The following ABLIM2 variants were observed in gnomAD, a reference collection of about 807,000 sequenced individuals.
ABLIM2 encodes the protein actin-binding LIM protein 2.
Under a neutral mutation model 97.7 loss-of-function variants are expected in ABLIM2, and 53 were observed. The observed-to-expected ratio is 0.54, with a 90% CI of 0.44 to 0.68. The LOEUF (loss-of-function observed/expected upper bound fraction) is 0.68. Ranked by LOEUF, ABLIM2 falls within the 30% of genes least tolerant of loss-of-function variation. ABLIM2 has a pLI of 0.00. For synonymous variants in ABLIM2, 361 were observed against 345.8 expected (o/e 1.04, Z -0.49); for missense variants, 835 against 867.2 (o/e 0.96, Z 0.47).
At position 8,032,554 on chromosome 4, in the gene ABLIM2, G is replaced by A; in HGVS notation, c.1048-2778C>T. Reference sequence around the variant, plus strand: ...GGCCCCATGGTGAAGAGCCACCGAGGAGGCCCTTCCCGGGAGTGCGGCTGG... The same window carrying A: ...GGCCCCATGGTGAAGAGCCACCGAGAAGGCCCTTCCCGGGAGTGCGGCTGG... On this transcript the variant is annotated intron_variant, in intron 10 of 20. Coordinates refer to ENST00000447017, the MANE Select transcript of ABLIM2 (RefSeq NM_001130083.2). The surrounding 1 kb of genome is among the most constrained non-coding windows in gnomAD (Gnocchi z 4.3). 1.3e-6 allele frequency: 2 copies of A among 1,534,746 alleles called. No individual in the cohort carries two copies. The highest frequency in any genetic ancestry group is 9.0e-7 in the Non-Finnish European group (1 of 1,114,978).
In ABLIM2 at chr4:8,124,154, T is replaced by C. The variant is rs113721030; in HGVS notation, c.11-17517A>G. 6.6e-6 allele frequency among the ~76,000 whole-genome samples: 1 copy of C among 152,184 alleles called. No individual in the cohort carries two copies. Among genetic ancestry groups the C allele is most frequent in the Non-Finnish European group, 1.5e-5 (1 of 68,032 alleles). On this transcript the variant is annotated intron_variant, in intron 1 of 20. Transcript: ENST00000447017. The surrounding 1 kb of genome is among the most constrained non-coding windows in gnomAD (Gnocchi z 6.1). ...CTAGAATAATTCATCTATCTTCTCA[T>C]AAGGCAGCACCTCGATGTGCTTTCA...
At chr4:8,030,931 C>T (rs562800181) in intron 10 of ABLIM2, among the ~76,000 whole-genome samples, 9 of 152,334 alleles carry the variant, frequency 5.9e-5, no homozygotes, top group South Asian at 4.1e-4. Flanking sequence ...AGAACAGCAC[C>T]ACCAAGGCCC....
At chr4:8,091,643 T>A (rs575179785) in intron 3 of ABLIM2, among the ~76,000 whole-genome samples, 1 of 54,142 alleles carries the variant, frequency 1.8e-5, no homozygotes, top group South Asian at 4.9e-4. Context: ...ATATATAATT[T>A]TATATATTAT....
At chr4:8,126,478 C>T (rs2152916881) in intron 1 of ABLIM2, among the ~76,000 whole-genome samples, 1 of 149,562 alleles carries the variant, frequency 6.7e-6, no homozygotes, top group South Asian at 2.2e-4. Flanking sequence ...CCCTTTTCTC[C>T]TCTCTCCCTA....
intron 12 of ABLIM2, among the ~76,000 whole-genome samples, chr4:8,026,926 CTGCAGTGGCCTTTTACCTGAGTGT>C (rs1451552882): frequency 6.7e-6 from 1 of 149,400 alleles, no homozygotes; most frequent in African/African-American, 2.5e-5. Flanking sequence ...GTGTGTGTGT[CTGCAGTGGCCTTTTACCTGAGTGT>C]GTGTGTCTGC....
chr4:8,071,845 G>C lies in ABLIM2; in HGVS notation c.675+5783C>G. On this transcript the variant is annotated intron_variant, in intron 6 of 20. Transcript: ENST00000447017. The surrounding 1 kb of genome is among the most constrained non-coding windows in gnomAD (Gnocchi z 6.2). ...CGTGCTCCCTGGAACGTGTGCCTGC[G>C]AGGGTGGACACCCTCACCTTCAGCC... 2 of 985,410 alleles carry C rather than the reference G, an allele frequency of 2.0e-6. No individual in the cohort carries two copies. The highest frequency in any genetic ancestry group is 2.4e-6 in the Non-Finnish European group (2 of 829,962). 61.0% of individuals were successfully genotyped at this position (985,410 alleles called of 1,614,324 possible). A position where few individuals can be genotyped will look rare whatever the true frequency, so the allele number is the denominator to read the frequency against.
intron 1 of ABLIM2, among the ~76,000 whole-genome samples, chr4:8,119,569 G>T (rs1273623609): frequency 6.6e-6 from 1 of 151,988 alleles, no homozygotes; most frequent in Non-Finnish European, 1.5e-5. Context: ...CTCATGATCC[G>T]CCCACCTGGG....
At chr4:8,052,809 A>G (rs1796879916) in intron 8 of ABLIM2, among the ~76,000 whole-genome samples, 1 of 152,276 alleles carries the variant, frequency 6.6e-6, no homozygotes, top group Non-Finnish European at 1.5e-5. Flanking sequence ...CTGCAGGCAC[A>G]GCTGCTCAAA....
chr4:8,099,753 G>T (rs1327475438), intron 2 of ABLIM2, among the ~76,000 whole-genome samples: 2 of 152,162 alleles, frequency 1.3e-5, no homozygotes, highest in Admixed American at 6.5e-5. Flanking sequence ...GCTGAGGCAG[G>T]AGGATGGCAT....
intron 9 of ABLIM2, among the ~76,000 whole-genome samples, chr4:8,037,293 T>C (rs571105400): frequency 5.3e-5 from 8 of 151,060 alleles, no homozygotes; most frequent in African/African-American, 1.7e-4. Flanking sequence ...TACGCACACA[T>C]GCACACACAC....
At chr4:8,012,259 A>C (rs60261683) in intron 14 of ABLIM2, among the ~76,000 whole-genome samples, 1 of 151,192 alleles carries the variant, frequency 6.6e-6, no homozygotes, top group Non-Finnish European at 1.5e-5. Flanking sequence ...CCATCCACTG[A>C]TCCATCCACC....
chr4:8,077,528 C>A lies in ABLIM2; in HGVS notation c.675+100G>T, dbSNP rs1366865650. 4.3e-6 allele frequency: 5 copies of A among 1,176,424 alleles called. No individual in the cohort carries two copies. In the African/African-American group the frequency reaches 7.6e-5, roughly 18 times the overall value. 72.9% of individuals were successfully genotyped at this position (1,176,424 alleles called of 1,614,324 possible). A position where few individuals can be genotyped will look rare whatever the true frequency, so the allele number is the denominator to read the frequency against. On this transcript the variant is annotated intron_variant, in intron 6 of 20. Coordinates refer to ENST00000447017, the MANE Select transcript of ABLIM2 (RefSeq NM_001130083.2). The stretch of plus-strand genomic sequence containing the variant: ...ATAGGGAGGTGAAGCTGCAGCCAGA[C>A]AGATTCTTGCACAAACACACACAAA...
At chr4:8,153,496 T>C (rs1237324796) in intron 1 of ABLIM2, among the ~76,000 whole-genome samples, 1 of 152,194 alleles carries the variant, frequency 6.6e-6, no homozygotes, top group African/African-American at 2.4e-5. Context: ...CCTCTCCAGA[T>C]ACAATCTCAG....
At chr4:8,086,178 G>A (rs962208547) in intron 4 of ABLIM2, among the ~76,000 whole-genome samples, 2 of 151,962 alleles carry the variant, frequency 1.3e-5, no homozygotes, top group East Asian at 1.9e-4. Context: ...AGTTATCTAG[G>A]GGTCCGGGGA....
At chr4:7,994,584 C>CGCAACA (rs1283882613) in intron 16 of ABLIM2, among the ~76,000 whole-genome samples, 1 of 73,132 alleles carries the variant, frequency 1.4e-5, no homozygotes, top group African/African-American at 3.9e-5. Context: ...TTTATAGCAG[C>CGCAACA]ATGATTTATA....
At chr4:7,968,001 G>A (rs188930558) in intron 20 of ABLIM2, among the ~76,000 whole-genome samples, 15 of 152,350 alleles carry the variant, frequency 9.8e-5, no homozygotes, top group Admixed American at 2.6e-4. Flanking sequence ...TCTCCTGCCT[G>A]TCTTCCTCAG....
At chr4:8,101,103 G>A (rs1834349195) in intron 2 of ABLIM2, among the ~76,000 whole-genome samples, 1 of 152,236 alleles carries the variant, frequency 6.6e-6, no homozygotes, top group Admixed American at 6.5e-5. Context: ...ATATTGGTGA[G>A]TGGAAGACGG....
At chr4:8,152,153 C>T (rs1043608038) in intron 1 of ABLIM2, among the ~76,000 whole-genome samples, 2 of 152,174 alleles carry the variant, frequency 1.3e-5, no homozygotes, top group Non-Finnish European at 2.9e-5. Context: ...ACGGGCCAGG[C>T]TTTATCCACA....
Position 7,996,580 on chromosome 4 carries a change from C to A in ABLIM2, c.1619-3653G>T, listed in dbSNP as rs928047524. ...ATGGTGCTAGAAATTCTGCTTCAAC[C>A]ATCCAATGTGATATAAGAATATGAT... On this transcript the variant is annotated intron_variant, in intron 16 of 20. Transcript: ENST00000447017. This position sits in a 1 kb window ranked among gnomAD's most constrained non-coding sequence, Gnocchi z 4.5. Among the ~76,000 whole-genome samples the A allele has an allele frequency of 3.9e-5, 6 of 152,220 alleles. No homozygotes were observed. Among genetic ancestry groups the A allele is most frequent in the South Asian group, 4.1e-4 (2 of 4,834 alleles).
Sources: allele counts gnomAD v4.1 joint callset (sites outside exome capture counted in the v4.1 genomes callset), GRCh38; gene constraint gnomAD v4.1.1; non-coding constraint Gnocchi (gnomAD v3.1); transcripts MANE v1.5; gene names NCBI Gene and HGNC (gene_info 2026-07-23, HGNC 2026-07-21).